LAMA2: variants seen among roughly 807,000 people sequenced by gnomAD.
The protein encoded by LAMA2 is laminin subunit alpha-2.
Under a neutral mutation model 364.8 loss-of-function variants are expected in LAMA2, and 269 were observed. That is an observed-to-expected ratio of 0.74 (90% CI 0.67 to 0.82). The LOEUF (loss-of-function observed/expected upper bound fraction) is 0.82, where lower values mean the gene tolerates loss of function less well. LAMA2 is among the 40% of genes least tolerant of loss of function. The probability of loss-of-function intolerance (pLI) is 0.00; values close to 1 mark genes in which losing one functional copy is unlikely to be tolerated. For synonymous variants in LAMA2, 1,379 were observed against 1,370.6 expected (o/e 1.01, Z -0.14); for missense variants, 3,807 against 3,873.2 (o/e 0.98, Z 0.45).
Position 129,312,910 on chromosome 6 carries a change from A to G in LAMA2, c.3224A>G (p.Asn1075Ser). 6.2e-7 allele frequency: 1 copy of G among 1,614,208 alleles called. No homozygotes were observed. The highest frequency in any genetic ancestry group is 8.5e-7 in the Non-Finnish European group (1 of 1,180,024). The change falls in exon 23 of 65, where the codon AAT becomes AGT. Residue 1075 changes from asparagine to serine, a missense_variant. Transcript: ENST00000421865. ...TCCTTGGATTTCCAATGCAATGTAA[A>G]TACAGGCCAATGCAACTGTCATCCA... ...VGSLDFQCNV[N>S]TGQCNCHPKF...
intron 8 of LAMA2, chr6:129,158,336 T>C (rs1779247966): frequency 6.2e-7 from 1 of 1,614,002 alleles, no homozygotes; most frequent in African/African-American, 1.3e-5. Flanking sequence ...TGGTAAAGAA[T>C]ACTTTCACCG....
intron 55 of LAMA2, among the ~76,000 whole-genome samples, chr6:129,484,026 T>C (rs1180325202): frequency 1.3e-5 from 2 of 152,114 alleles, no homozygotes; most frequent in East Asian, 3.9e-4. Context: ...TAGAAGAAAA[T>C]ATACCAGGAT....
At chr6:129,411,875 GATA>G (rs1297642811) in intron 40 of LAMA2, among the ~76,000 whole-genome samples, 1 of 152,090 alleles carries the variant, frequency 6.6e-6, no homozygotes, top group Non-Finnish European at 1.5e-5. Flanking sequence ...AAAGCATAAT[GATA>G]ATAATTATTA....
intron 17 of LAMA2, among the ~76,000 whole-genome samples, chr6:129,278,118 C>T (rs1004137866): frequency 2.0e-5 from 3 of 152,172 alleles, no homozygotes; most frequent in Non-Finnish European, 4.4e-5. Flanking sequence ...ACTAGAATCG[C>T]TTGAACCCAG....
At chr6:129,080,057 A>G (rs1392003054) in intron 3 of LAMA2, among the ~76,000 whole-genome samples, 2 of 152,186 alleles carry the variant, frequency 1.3e-5, no homozygotes, top group African/African-American at 4.8e-5. Flanking sequence ...GAATTACAAT[A>G]GACACATTTT....
chr6:129,439,084 C>T (rs1207239754), intron 42 of LAMA2, among the ~76,000 whole-genome samples: 1 of 151,586 alleles, frequency 6.6e-6, no homozygotes, highest in African/African-American at 2.4e-5. Flanking sequence ...CCACAGATAT[C>T]AAAATTCTTG....
intron 1 of LAMA2, among the ~76,000 whole-genome samples, chr6:128,914,616 C>G (rs1166870066): frequency 2.6e-5 from 4 of 152,096 alleles, no homozygotes; most frequent in Non-Finnish European, 5.9e-5. Flanking sequence ...TTATAGGCTT[C>G]AATTTTAAAG....
chr6:129,127,694 T>G (rs954509595), intron 4 of LAMA2, among the ~76,000 whole-genome samples: 1 of 152,210 alleles, frequency 6.6e-6, no homozygotes, highest in East Asian at 1.9e-4. Flanking sequence ...TTATCTTCTT[T>G]TTGATATTAC....
intron 12 of LAMA2, among the ~76,000 whole-genome samples, chr6:129,201,942 C>T (rs928700577): frequency 6.6e-6 from 1 of 152,080 alleles, no homozygotes; most frequent in African/African-American, 2.4e-5. Context: ...GTAATCCCAG[C>T]ACTTTGGGAG....
intron 17 of LAMA2, among the ~76,000 whole-genome samples, chr6:129,277,472 AG>A (rs2114381735): frequency 6.6e-6 from 1 of 152,336 alleles, no homozygotes; most frequent in Admixed American, 6.5e-5. Context: ...AGAATATCAA[AG>A]CACAAATACA....
intron 1 of LAMA2, among the ~76,000 whole-genome samples, chr6:129,019,458 T>C (rs1785276847): frequency 6.6e-6 from 1 of 151,840 alleles, no homozygotes; most frequent in South Asian, 2.1e-4. Context: ...TCAGTATTTT[T>C]TTGTTTCTCT....
intron 22 of LAMA2, among the ~76,000 whole-genome samples, chr6:129,309,658 T>C (rs141880909): frequency 6.6e-6 from 1 of 152,332 alleles, no homozygotes; most frequent in African/African-American, 2.4e-5. Context: ...TAAGACATCC[T>C]AATTTTGAAA....
intron 10 of LAMA2, among the ~76,000 whole-genome samples, chr6:129,178,908 T>C (rs1234765631): frequency 6.6e-6 from 1 of 152,150 alleles, no homozygotes; most frequent in African/African-American, 2.4e-5. Flanking sequence ...AATAGGTATA[T>C]GTTACATCAG....
chr6:129,013,560 A>C (rs1351706480), intron 1 of LAMA2, among the ~76,000 whole-genome samples: 1 of 152,214 alleles, frequency 6.6e-6, no homozygotes, highest in Non-Finnish European at 1.5e-5. Context: ...TGAGCATAGA[A>C]GGTGTGGGTT....
chr6:128,929,967 T>G (rs1779355549), intron 1 of LAMA2: 1 of 658,878 alleles, frequency 1.5e-6, no homozygotes, highest in African/African-American at 1.8e-5. Context: ...TCCCTCATCC[T>G]GCGGAGGCGA....
At chr6:128,925,571 G>A (rs1207313131) in intron 1 of LAMA2, among the ~76,000 whole-genome samples, 1 of 152,134 alleles carries the variant, frequency 6.6e-6, no homozygotes, top group Non-Finnish European at 1.5e-5. Flanking sequence ...AAGCATTCTG[G>A]ATGTGAATGG....
chr6:129,205,308 C>G (rs1435472696), intron 12 of LAMA2, among the ~76,000 whole-genome samples: 2 of 151,328 alleles, frequency 1.3e-5, no homozygotes, highest in Non-Finnish European at 2.9e-5. Flanking sequence ...AGGAGAATCG[C>G]TTGAATCCAG....
chr6:128,960,177 C>T lies in LAMA2; in HGVS notation c.112+76820C>T, dbSNP rs554807567. Among the ~76,000 whole-genome samples, 7 of 151,902 alleles carry T rather than the reference C, an allele frequency of 4.6e-5. No individual in the cohort carries two copies. The South Asian group carries it at 6.2e-4, about 14-fold the overall frequency. ...GACCTGTGCTATGAATTTTTTGACCCGGGAAATTCATACACCTAACTTAAG... is the reference window on the plus strand; with the variant it reads ...GACCTGTGCTATGAATTTTTTGACCTGGGAAATTCATACACCTAACTTAAG... On this transcript the variant is annotated intron_variant, in intron 1 of 64. Transcript: ENST00000421865.
intron 8 of LAMA2, among the ~76,000 whole-genome samples, chr6:129,162,589 C>A (rs1452252154): frequency 2.6e-5 from 4 of 151,846 alleles, no homozygotes; most frequent in Non-Finnish European, 5.9e-5. Flanking sequence ...GTGTTTTCTT[C>A]TTTGTTTAGC....
Sources: allele counts gnomAD v4.1 joint callset (sites outside exome capture counted in the v4.1 genomes callset), GRCh38; gene constraint gnomAD v4.1.1; transcripts MANE v1.5; gene names NCBI Gene and HGNC (gene_info 2026-07-23, HGNC 2026-07-21).